Variants in ZFYVE16 observed in about 807,000 individuals in gnomAD.
The protein encoded by ZFYVE16 is zinc finger FYVE domain-containing protein 16.
Under a neutral mutation model 138.1 loss-of-function variants are expected in ZFYVE16, and 89 were observed. That is an observed-to-expected ratio of 0.64 (90% CI 0.54 to 0.77). ZFYVE16 has a LOEUF of 0.77. Among genes scored for constraint, ZFYVE16 ranks in the 30% least tolerant of loss-of-function variants. The pLI is 0.00. For missense variants in ZFYVE16, 1,793 were observed against 1,786.7 expected, an observed-to-expected ratio of 1.00 and a Z score of -0.06; for synonymous variants, 596 against 618.3, an observed-to-expected ratio of 0.96 and a Z score of 0.53.
At chr5:80,446,185 C>A (rs1751329998) in intron 7 of ZFYVE16, among the ~76,000 whole-genome samples, 1 of 152,064 alleles carries the variant, frequency 6.6e-6, no homozygotes, top group Non-Finnish European at 1.5e-5. Context: ...GAGTGAGCCA[C>A]CGTGCCTGGC....
chr5:80,439,095 A>G, intron 4 of ZFYVE16, 88 bp downstream of exon 4: 2 of 1,289,292 alleles, frequency 1.6e-6, no homozygotes, highest in Non-Finnish European at 2.1e-6. Context: ...TGAACAGATA[A>G]TTACAAGATT....
intron 1 of ZFYVE16, among the ~76,000 whole-genome samples, chr5:80,414,235 TTAG>T (rs2112153126): frequency 6.6e-6 from 1 of 152,346 alleles, no homozygotes; most frequent in African/African-American, 2.4e-5. Context: ...CAGTCTCCTC[TTAG>T]TAGATTCAAA....
chr5:80,408,118 C>G lies in ZFYVE16; in HGVS notation c.-129C>G, dbSNP rs1162157482. ...TTCACTCCTCAGCGCGACGTCGTGT[C>G]GAGTTCCCAAAAAGCTCCGCAGGGG... On this transcript the variant is annotated 5_prime_UTR_variant, in exon 1 of 19. Transcript: ENST00000505560. 1 of 152,240 alleles carries G rather than the reference C, an allele frequency of 6.6e-6. No individual in the cohort carries two copies. The highest frequency in any genetic ancestry group is 2.4e-5 in the African/African-American group (1 of 41,462). 9.4% of individuals were successfully genotyped at this position (152,240 alleles called of 1,614,324 possible). A position where few individuals can be genotyped will look rare whatever the true frequency, so the allele number is the denominator to read the frequency against.
At chr5:80,449,909 T>C (rs946648829) in intron 9 of ZFYVE16, among the ~76,000 whole-genome samples, 196 bp downstream of exon 9, 2 of 152,204 alleles carry the variant, frequency 1.3e-5, no homozygotes, top group African/African-American at 4.8e-5. Context: ...TACAGATTTT[T>C]ATTAGCATCC....
Position 80,448,242 on chromosome 5 carries a change from C to T in ZFYVE16, c.2941C>T (p.Pro981Ser), listed in dbSNP as rs140681483. Residue 981 changes from proline (P) to serine (S), a missense_variant, in exon 8 of 19, where the codon CCT (proline) becomes TCT (serine). Pro to Ser is a moderately conservative substitution (Grantham distance 74). Coordinates refer to ENST00000505560, the MANE Select transcript of ZFYVE16 (RefSeq NM_001284236.3). ...VFAETEEPSS[P>S]TGVLVNSNLP... The stretch of plus-strand genomic sequence containing the variant: ...TGCAGAAACTGAAGAACCATCTAGT[C>T]CTACTGGTGTCTTAGTTAACAGCAA... The T allele has an allele frequency of 1.1e-4, 181 of 1,613,700 alleles. No individual in the cohort carries two copies. In the Middle Eastern group the frequency reaches 5.5e-3, roughly 49 times the overall value.
chr5:80,455,192 C>G, intron 11 of ZFYVE16: 1 of 159,376 alleles, frequency 6.3e-6, no homozygotes, highest in South Asian at 1.8e-4. Flanking sequence ...GTATAGTTCC[C>G]AGTTCAATGT....
chr5:80,438,355 C>T lies in ZFYVE16; in HGVS notation c.1670C>T (p.Ser557Phe). 6.2e-7 allele frequency: 1 copy of T among 1,613,512 alleles called. No individual in the cohort carries two copies. The highest frequency in any genetic ancestry group is 2.2e-5 in the East Asian group (1 of 44,854). ...IKSFEENVND[S>F]KSQMNQIDMK... ...TCTTTTGAAGAAAATGTAAATGACTCTAAATCGCAAATGAATCAGATAGAT... is the reference window on the plus strand; with the variant it reads ...TCTTTTGAAGAAAATGTAAATGACTTTAAATCGCAAATGAATCAGATAGAT... The change falls in exon 4 of 19, where the codon TCT becomes TTT. Residue 557 changes from serine (S) to phenylalanine (F), a missense_variant. Coordinates refer to ENST00000505560, the MANE Select transcript of ZFYVE16 (RefSeq NM_001284236.3).
chr5:80,427,529 T>C lies in ZFYVE16; in HGVS notation c.-56T>C, dbSNP rs1748256519. The C allele has an allele frequency of 1.3e-5, 2 of 151,948 alleles. No homozygotes were observed. The highest frequency in any genetic ancestry group is 1.3e-4 in the Admixed American group (2 of 15,240). The allele number at this position is 151,948 out of a possible 1,614,324, so 9.4% of individuals were successfully genotyped here. A position where few individuals can be genotyped will look rare whatever the true frequency, so the allele number is the denominator to read the frequency against. ...TTTCTCGGGCTTATTTGGTGGAGTT[T>C]CTGTTCCAGACCAGAGGTTCGTCTA... On this transcript the variant is annotated 5_prime_UTR_variant, in exon 2 of 19. Coordinates refer to ENST00000505560, the MANE Select transcript of ZFYVE16 (RefSeq NM_001284236.3).
Position 80,432,191 on chromosome 5 carries a change from A to G in ZFYVE16, c.-39-1918A>G, listed in dbSNP as rs1252561001. Among the ~76,000 whole-genome samples the G allele has an allele frequency of 3.3e-5, 5 of 152,338 alleles. No homozygotes were observed. In the East Asian group the frequency reaches 7.7e-4, roughly 23 times the overall value. On this transcript the variant is annotated intron_variant, in intron 2 of 18. Transcript: ENST00000505560. ...GCTACCTGACTTCAAACTATACTAC[A>G]AGGCTACAGTAACCAAAACAGCATG...
rs1318725810 is a variant in ZFYVE16 at position 80,445,736 on chromosome 5, T to A, written c.2724+331T>A. Reference sequence around the variant, plus strand: ...CCACCATGCCTGGTTTAGACTTTACTGTTAAAAAAAATGTTTTTTTAATTA... The same window carrying A: ...CCACCATGCCTGGTTTAGACTTTACAGTTAAAAAAAATGTTTTTTTAATTA... On this transcript the variant is annotated intron_variant, in intron 7 of 18. Transcript: ENST00000505560. Among the ~76,000 whole-genome samples, 3 of 139,996 alleles carry A rather than the reference T, an allele frequency of 2.1e-5. No individual in the cohort carries two copies. The East Asian group carries it at 6.4e-4, about 30-fold the overall frequency. 91.8% of individuals were successfully genotyped at this position (139,996 alleles called of 152,430 possible).
At chr5:80,462,085 C>G (rs1753181565) in intron 15 of ZFYVE16, among the ~76,000 whole-genome samples, 1 of 152,164 alleles carries the variant, frequency 6.6e-6, no homozygotes, top group South Asian at 2.1e-4. Context: ...AGTTACATTT[C>G]AGGGTTAGGG....
chr5:80,480,953 T>C lies in ZFYVE16; in HGVS notation c.*3576T>C, dbSNP rs1413394767. Among the ~76,000 whole-genome samples the C allele has an allele frequency of 6.6e-6, 1 of 152,072 alleles. No individual in the cohort carries two copies. The highest frequency in any genetic ancestry group is 1.5e-5 in the Non-Finnish European group (1 of 67,992). The stretch of plus-strand genomic sequence containing the variant: ...TAACAGGAAAACTGGAAATGCTAGC[T>C]GACAGAGAGAAAAATAGTCCAAGGA... On this transcript the variant is annotated 3_prime_UTR_variant, in exon 19 of 19. Coordinates refer to ENST00000505560, the MANE Select transcript of ZFYVE16 (RefSeq NM_001284236.3).
At chr5:80,463,364 T>G (rs1753341523) in intron 15 of ZFYVE16, among the ~76,000 whole-genome samples, 1 of 152,198 alleles carries the variant, frequency 6.6e-6, no homozygotes, top group Non-Finnish European at 1.5e-5. Flanking sequence ...GCATGCACCC[T>G]TTGAAGCAAT....
chr5:80,434,231 C>G lies in ZFYVE16; in HGVS notation c.70+14C>G, dbSNP rs751738899. Reference sequence around the variant, plus strand: ...AACAGAACCCAGGTTTGTTGATTTTCCATTTTTGCCGCTAATGGGATTTAA... The same window carrying G: ...AACAGAACCCAGGTTTGTTGATTTTGCATTTTTGCCGCTAATGGGATTTAA... On this transcript the variant is annotated intron_variant, in intron 3 of 18. Transcript: ENST00000505560. 6.2e-7 allele frequency: 1 copy of G among 1,612,098 alleles called. No homozygotes were observed. Among genetic ancestry groups the G allele is most frequent in the Non-Finnish European group, 8.5e-7 (1 of 1,178,822 alleles).
upstream of ZFYVE16, among the ~76,000 whole-genome samples, chr5:80,407,661 G>A (rs1239569234): frequency 6.6e-6 from 1 of 152,248 alleles, no homozygotes; most frequent in Non-Finnish European, 1.5e-5. Context: ...CCGCTGCCGG[G>A]AAGGCGGGTC....
chr5:80,469,940 A>G (rs1017936591), intron 15 of ZFYVE16, among the ~76,000 whole-genome samples: 1 of 150,918 alleles, frequency 6.6e-6, no homozygotes, highest in Non-Finnish European at 1.5e-5. Context: ...CTCAAGATTT[A>G]TTATATGTTT....
chr5:80,438,439 C>G lies in ZFYVE16; in HGVS notation c.1754C>G (p.Ala585Gly), dbSNP rs1198088611. ...NNIYFNAEAGAIGESHGINII... is the reference protein window; with the variant it reads ...NNIYFNAEAGGIGESHGINII... The stretch of plus-strand genomic sequence containing the variant: ...ATATATTTCAATGCAGAAGCAGGAG[C>G]TATTGGGGAAAGTCATGGTATTAAT... The change falls in exon 4 of 19, where the codon GCT (alanine) becomes GGT (glycine). Residue 585 changes from alanine to glycine, a missense_variant. Around this residue, in one of 2 missense-constraint regions of ZFYVE16, gnomAD observed 1,295 missense variants for 1,204.3 expected, o/e 1.08. Transcript: ENST00000505560. 3 of 1,613,608 alleles carry G rather than the reference C, an allele frequency of 1.9e-6. No homozygotes were observed. Among genetic ancestry groups the G allele is most frequent in the African/African-American group, 2.7e-5 (2 of 74,842 alleles).
At position 80,427,971 on chromosome 5, in the gene ZFYVE16, C is replaced by CA. The variant is rs386404254; in HGVS notation, c.-40+451dup. On this transcript the variant is annotated intron_variant, in intron 2 of 18. Coordinates refer to ENST00000505560, the MANE Select transcript of ZFYVE16 (RefSeq NM_001284236.3). ...TGCGTGACAGAGCGAGACTCCATCTCAAAAAAAAAAAAAAAAAAAAAAAAA... is the reference window on the plus strand; with the variant it reads ...TGCGTGACAGAGCGAGACTCCATCTCAAAAAAAAAAAAAAAAAAAAAAAAAA... Among the ~76,000 whole-genome samples, 198 of 48,060 alleles carry CA rather than the reference C, an allele frequency of 4.1e-3. 21 individuals carry two copies. The highest frequency in any genetic ancestry group is 0.02 in the African/African-American group (173 of 8,502). 31.5% of individuals were successfully genotyped at this position (48,060 alleles called of 152,430 possible). A position where few individuals can be genotyped will look rare whatever the true frequency, so the allele number is the denominator to read the frequency against.
At chr5:80,455,545 A>C in intron 11 of ZFYVE16, 147 bp from the exon 12 acceptor site, 3 of 698,510 alleles carry the variant, frequency 4.3e-6, no homozygotes, top group Non-Finnish European at 6.9e-6. Flanking sequence ...AAAACAAAAA[A>C]AAAATTATCT....
Sources: allele counts gnomAD v4.1 joint callset (sites outside exome capture counted in the v4.1 genomes callset), GRCh38; gene constraint gnomAD v4.1.1; regional missense constraint gnomAD v4.1.1; transcripts MANE v1.5; gene names NCBI Gene and HGNC (gene_info 2026-07-23, HGNC 2026-07-21).